MEIS2: variants seen among roughly 807,000 people sequenced by gnomAD.
MEIS2 encodes Meis homeobox 2.
MEIS2 carries 9 observed loss-of-function variants against 58.6 expected under a neutral mutation model. The observed-to-expected ratio is 0.15, with a 90% CI of 0.09 to 0.27. The LOEUF is 0.27. Among genes scored for constraint, MEIS2 ranks in the 10% least tolerant of loss-of-function variants. The pLI, the probability that MEIS2 is intolerant of heterozygous loss-of-function variation, is 1.00. For synonymous variants in MEIS2, 221 were observed against 228.4 expected (o/e 0.97, Z 0.29); for missense variants, 427 against 635.0 (o/e 0.67, Z 3.52).
chr15:36,920,875 T>A (rs1426872142), intron 9 of MEIS2, among the ~76,000 whole-genome samples: 1 of 152,184 alleles, frequency 6.6e-6, no homozygotes, highest in African/African-American at 2.4e-5. Flanking sequence ...CTGACCAGTC[T>A]GACAAATATG....
intron 3 of MEIS2, chr15:37,095,887 C>A: frequency 1.9e-6 from 1 of 526,256 alleles, no homozygotes; most frequent in Non-Finnish European, 3.4e-6. Context: ...ATCCAGCAGT[C>A]CAAGAGGCTG....
intron 9 of MEIS2, among the ~76,000 whole-genome samples, chr15:36,901,999 C>T (rs887726938): frequency 2.6e-5 from 4 of 152,200 alleles, no homozygotes; most frequent in South Asian, 4.1e-4. Context: ...CCTTTATTTG[C>T]TGTGTGAATT....
intron 8 of MEIS2, among the ~76,000 whole-genome samples, chr15:37,006,580 A>G (rs1401358268): frequency 6.6e-6 from 1 of 152,170 alleles, no homozygotes; most frequent in Non-Finnish European, 1.5e-5. Context: ...CTCTACTCAC[A>G]AATATTTGAT....
chr15:36,928,629 C>G (rs932495648), intron 9 of MEIS2, among the ~76,000 whole-genome samples: 2 of 151,988 alleles, frequency 1.3e-5, no homozygotes, highest in Non-Finnish European at 2.9e-5. Flanking sequence ...GTTTATGTAC[C>G]CTCTGTTACC....
intron 8 of MEIS2, among the ~76,000 whole-genome samples, chr15:36,969,640 T>G (rs1211130103): frequency 6.6e-6 from 1 of 152,180 alleles, no homozygotes; most frequent in East Asian, 1.9e-4. Context: ...TTTTCTGACT[T>G]CTAATTTCAA....
intron 8 of MEIS2, among the ~76,000 whole-genome samples, chr15:36,972,195 A>C (rs914719004): frequency 2.6e-5 from 4 of 152,214 alleles, no homozygotes; most frequent in African/African-American, 9.6e-5. Context: ...TGAGTAGCAC[A>C]AAAGTAAGTT....
At chr15:36,961,189 A>C (rs967986636) in intron 8 of MEIS2, among the ~76,000 whole-genome samples, 2 of 152,138 alleles carry the variant, frequency 1.3e-5, no homozygotes, top group Non-Finnish European at 2.9e-5. Flanking sequence ...ATATAAAAGA[A>C]AATCACTTTG....
At chr15:36,971,455 T>C (rs992588265) in intron 8 of MEIS2, among the ~76,000 whole-genome samples, 13 of 144,712 alleles carry the variant, frequency 9.0e-5, no homozygotes, top group East Asian at 4.1e-4. Flanking sequence ...GGAAGCTAAA[T>C]TTGGCCGTAA....
chr15:37,054,746 T>A (rs1354131580), intron 7 of MEIS2, among the ~76,000 whole-genome samples: 1 of 152,190 alleles, frequency 6.6e-6, no homozygotes, highest in African/African-American at 2.4e-5. Context: ...AAGAGGGATG[T>A]AGAAAGAAGC....
intron 8 of MEIS2, among the ~76,000 whole-genome samples, chr15:37,009,084 T>TAG (rs984269379): frequency 6.6e-6 from 1 of 152,036 alleles, no homozygotes; most frequent in Non-Finnish European, 1.5e-5. Context: ...GGTCAGGAGA[T>TAG]AGAGACCATC....
At chr15:37,084,989 G>A (rs928425763) in intron 6 of MEIS2, among the ~76,000 whole-genome samples, 1 of 151,958 alleles carries the variant, frequency 6.6e-6, no homozygotes, top group Non-Finnish European at 1.5e-5. Flanking sequence ...CCAGAGGAAG[G>A]GGCAAAATAG....
intron 9 of MEIS2, among the ~76,000 whole-genome samples, chr15:36,946,525 T>C (rs1221014004): frequency 6.6e-6 from 1 of 151,998 alleles, no homozygotes; most frequent in Non-Finnish European, 1.5e-5. Flanking sequence ...TTTTCCCCCT[T>C]AAACATGCCT....
chr15:36,998,196 G>A (rs933255381), intron 8 of MEIS2, among the ~76,000 whole-genome samples: 3 of 146,856 alleles, frequency 2.0e-5, no homozygotes, highest in Non-Finnish European at 3.0e-5. Flanking sequence ...CACAGACTAC[G>A]ACTTTTACCA....
intron 9 of MEIS2, among the ~76,000 whole-genome samples, chr15:36,934,446 C>G (rs549565611): frequency 6.6e-6 from 1 of 152,164 alleles, no homozygotes; most frequent in African/African-American, 2.4e-5. Flanking sequence ...AAAACGTGCA[C>G]AAGGCAATTC....
intron 7 of MEIS2, among the ~76,000 whole-genome samples, chr15:37,060,254 A>T (rs2141838117): frequency 6.6e-6 from 1 of 152,220 alleles, no homozygotes; most frequent in South Asian, 2.1e-4. Flanking sequence ...CATTTTTCAA[A>T]ATTCATTTTG....
chr15:36,891,582 A>G lies in MEIS2; in HGVS notation c.*591T>C, dbSNP rs1173866169. On this transcript the variant is annotated 3_prime_UTR_variant, in exon 12 of 12. Coordinates refer to ENST00000561208, the MANE Select transcript of MEIS2 (RefSeq NM_170675.5). Reference sequence around the variant, plus strand: ...TTGGCTTATGAAGCACGAACTATAAAGATCTGTTTGAAACTAAAGGACACA... The same window carrying G: ...TTGGCTTATGAAGCACGAACTATAAGGATCTGTTTGAAACTAAAGGACACA... 1 of 153,490 alleles carries G rather than the reference A, an allele frequency of 6.5e-6. No homozygotes were observed. Among genetic ancestry groups the G allele is most frequent in the African/African-American group, 2.4e-5 (1 of 41,458 alleles). The allele number at this position is 153,490 out of a possible 1,614,324, so 9.5% of individuals were successfully genotyped here.
chr15:36,937,263 C>T (rs570768878), intron 9 of MEIS2, among the ~76,000 whole-genome samples: 3 of 152,274 alleles, frequency 2.0e-5, no homozygotes, highest in South Asian at 2.1e-4. Context: ...AAAATATCAA[C>T]GTCTAGAGTC....
At chr15:37,010,268 T>C (rs537809063) in intron 8 of MEIS2, among the ~76,000 whole-genome samples, 1 of 152,220 alleles carries the variant, frequency 6.6e-6, no homozygotes, top group African/African-American at 2.4e-5. Context: ...TTTGTATTTT[T>C]AGTAGAGACG....
chr15:36,943,341 C>A (rs1240312761), intron 9 of MEIS2, among the ~76,000 whole-genome samples: 1 of 152,054 alleles, frequency 6.6e-6, no homozygotes, highest in Non-Finnish European at 1.5e-5. Context: ...TAATGAAGTG[C>A]AGAAGTAGGT....
Sources: allele counts gnomAD v4.1 joint callset (sites outside exome capture counted in the v4.1 genomes callset), GRCh38; gene constraint gnomAD v4.1.1; transcripts MANE v1.5; gene names NCBI Gene and HGNC (gene_info 2026-07-23, HGNC 2026-07-21).